COL1A2: variants seen among roughly 807,000 people sequenced by gnomAD.
COL1A2 encodes collagen alpha-2(I) chain.
A neutral mutation model predicts 174.3 loss-of-function variants in COL1A2; 49 were observed. That is an observed-to-expected ratio of 0.28 (90% CI 0.22 to 0.36). The LOEUF is 0.36. Ranked by LOEUF, COL1A2 falls within the 10% of genes least tolerant of loss-of-function variation. The probability of loss-of-function intolerance (pLI) is 1.00; values close to 1 mark genes in which losing one functional copy is unlikely to be tolerated. For synonymous variants in COL1A2, 655 were observed against 606.6 expected (o/e 1.08, Z -1.17); for missense variants, 1,438 against 1,822.7 (o/e 0.79, Z 3.84).
In COL1A2 at chr7:94,426,425, C is replaced by T. The variant is rs1554398439; in HGVS notation, c.3000C>T (p.Gly1000=). ...TCCATCCTTCTGTTTCTTTATAGGG[C>T]CCACAAGGCATTCGTGGCGATAAGG... ...AGAVGPRGPS[G]PQGIRGDKGE... is the part of the protein sequence containing the mutation. The change falls in exon 46 of 52, where the codon GGC becomes GGT. Residue 1000 remains glycine, a splice_region_variant and synonymous_variant. Transcript: ENST00000297268. 3 of 1,591,450 alleles carry T rather than the reference C, an allele frequency of 1.9e-6. No homozygotes were observed. The highest frequency in any genetic ancestry group is 1.2e-5 in the South Asian group (1 of 86,926).
chr7:94,422,023 T>C, intron 39 of COL1A2, 71 bp downstream of exon 39: 17 of 1,320,284 alleles, frequency 1.3e-5, no homozygotes, highest in Non-Finnish European at 1.7e-5. Context: ...AGGAAACTGG[T>C]AAGAAACTCT....
At chr7:94,407,201 T>C (rs946000599) in intron 12 of COL1A2, among the ~76,000 whole-genome samples, 24 of 152,214 alleles carry the variant, frequency 1.6e-4, no homozygotes, top group African/African-American at 5.3e-4. Context: ...GCCACTTCAA[T>C]GCTTATTCCC....
chr7:94,409,315 CT>C lies in COL1A2; in HGVS notation c.793-3del. On this transcript the variant is annotated splice_polypyrimidine_tract_variant and splice_region_variant and intron_variant, in intron 16 of 51. Transcript: ENST00000297268. The stretch of plus-strand genomic sequence containing the variant: ...GGTTAATTCCTTGGTTTAATTTCCT[CT>C]TTTAGGGTGAAATTGGAGCTGTTGG... 6.2e-7 allele frequency: 1 copy of C among 1,613,590 alleles called. No individual in the cohort carries two copies. The highest frequency in any genetic ancestry group is 8.5e-7 in the Non-Finnish European group (1 of 1,179,580).
At position 94,395,122 on chromosome 7, in the gene COL1A2, TG is replaced by T. The variant is rs773394670; in HGVS notation, c.70+26del. The T allele has an allele frequency of 1.0e-5, 16 of 1,607,462 alleles. 1 individual carries two copies. Among genetic ancestry groups the T allele is most frequent in the Admixed American group, 8.3e-5 (5 of 60,000 alleles). On this transcript the variant is annotated intron_variant, in intron 1 of 51. Transcript: ENST00000297268. ...CCAATGTAAGTGCCTTCAGCTTGTT[TG>T]GGGGAGACTGGGTAGAGAGGTTAGA...
chr7:94,422,155 C>A, intron 39 of COL1A2: 1 of 473,580 alleles, frequency 2.1e-6, no homozygotes, highest in Non-Finnish European at 3.8e-6. Context: ...GGCTTTTATT[C>A]ATGTGAACAC....
Position 94,430,462 on chromosome 7 carries a change from CTT to C in COL1A2, c.*74_*75del. 1 of 1,492,320 alleles carries C rather than the reference CTT, an allele frequency of 6.7e-7. No individual in the cohort carries two copies. Among genetic ancestry groups the C allele is most frequent in the Non-Finnish European group, 9.2e-7 (1 of 1,081,210 alleles). 92.4% of individuals were successfully genotyped at this position (1,492,320 alleles called of 1,614,324 possible). On this transcript the variant is annotated 3_prime_UTR_variant, in exon 52 of 52. Transcript: ENST00000297268. ...TTTCTCTTTGCCATTTCTTCTTCTT[CTT>C]TTTTAACTGAAAGCTGAATCCTTCC... is the stretch of plus-strand genomic sequence containing the variant.
intron 1 of COL1A2, chr7:94,395,672 G>A (rs891449913): frequency 1.1e-5 from 2 of 187,992 alleles, no homozygotes; most frequent in East Asian, 1.4e-4. Flanking sequence ...AGGGCCTTAA[G>A]CAGATGGAAT....
chr7:94,396,313 C>CG (rs1791581977), intron 1 of COL1A2, among the ~76,000 whole-genome samples: 1 of 80,714 alleles, frequency 1.2e-5, no homozygotes, highest in East Asian at 5.9e-4. Flanking sequence ...CATTTGTGTG[C>CG]TTGTGTGTGT....
chr7:94,412,643 G>T lies in COL1A2; in HGVS notation c.1464G>T (p.Glu488Asp), dbSNP rs148802548. 28 of 1,613,984 alleles carry T rather than the reference G, an allele frequency of 1.7e-5. No individual in the cohort carries two copies. The African/African-American group carries it at 3.6e-4, about 21-fold the overall frequency. Reference protein sequence around the residue: ...GPIGPAGARGEPGNIGFPGPK... With the variant: ...GPIGPAGARGDPGNIGFPGPK... ...TTGGCCCAGCTGGAGCAAGAGGAGA[G>T]CCTGGCAACATTGGATTCCCTGGAC... Residue 488 changes from glutamate (E) to aspartate (D), a missense_variant, in exon 25 of 52, where the codon GAG becomes GAT. Glu to Asp is a conservative substitution (Grantham distance 45, BLOSUM62 2). Around this residue, in one of 3 missense-constraint regions of COL1A2, gnomAD observed 867 missense variants for 1,213.7 expected, o/e 0.71. Transcript: ENST00000297268.
intron 6 of COL1A2, among the ~76,000 whole-genome samples, chr7:94,401,841 C>T (rs1791696712): frequency 2.0e-5 from 3 of 151,894 alleles, no homozygotes; most frequent in Admixed American, 2.0e-4. Context: ...ATTATATGAT[C>T]TTTTTGATTA....
Position 94,424,317 on chromosome 7 carries a change from G to A in COL1A2, c.2566-19G>A, listed in dbSNP as rs754764745. 1.6e-5 allele frequency: 25 copies of A among 1,603,866 alleles called. No homozygotes were observed. Among genetic ancestry groups the A allele is most frequent in the Non-Finnish European group, 2.1e-5 (25 of 1,170,986 alleles). On this transcript the variant is annotated intron_variant, in intron 40 of 51. Coordinates refer to ENST00000297268, the MANE Select transcript of COL1A2 (RefSeq NM_000089.4). Reference sequence around the variant, plus strand: ...CCTAGGGTCTTACCCATAATACTCAGTATTTTTTCTCTATTTAGGGACCTC... The same window carrying A: ...CCTAGGGTCTTACCCATAATACTCAATATTTTTTCTCTATTTAGGGACCTC...
chr7:94,405,341 G>A (rs1791774034), intron 10 of COL1A2, 89 bp downstream of exon 10: 1 of 1,272,808 alleles, frequency 7.9e-7, no homozygotes, highest in Non-Finnish European at 1.1e-6. Flanking sequence ...TGACAACATA[G>A]ATGTCACCCA....
intron 17 of COL1A2, 55 bp downstream of exon 17, chr7:94,409,475 A>T: frequency 6.2e-7 from 1 of 1,610,262 alleles, no homozygotes; most frequent in Non-Finnish European, 8.5e-7. Context: ...AAGGTGGAGT[A>T]TGGGGAAGAA....
rs547568259 is a variant in COL1A2 at position 94,406,377 on chromosome 7, A to G, written c.594+74A>G. 7.4e-6 allele frequency: 10 copies of G among 1,351,254 alleles called. No homozygotes were observed. In the South Asian group the frequency reaches 9.4e-5, roughly 13 times the overall value. The allele number at this position is 1,351,254 out of a possible 1,614,324, so 83.7% of individuals were successfully genotyped here. A position where few individuals can be genotyped will look rare whatever the true frequency, so the allele number is the denominator to read the frequency against. Reference sequence around the variant, plus strand: ...CCCATGACCTCCAAAAAAGTATATTATACTGAAGACTACCCATATTACAAA... The same window carrying G: ...CCCATGACCTCCAAAAAAGTATATTGTACTGAAGACTACCCATATTACAAA... On this transcript the variant is annotated intron_variant, in intron 12 of 51. Coordinates refer to ENST00000297268, the MANE Select transcript of COL1A2 (RefSeq NM_000089.4).
At position 94,418,481 on chromosome 7, in the gene COL1A2, C is replaced by T; in HGVS notation, c.1972-18C>T. On this transcript the variant is annotated intron_variant, in intron 32 of 51. Coordinates refer to ENST00000297268, the MANE Select transcript of COL1A2 (RefSeq NM_000089.4). ...TTTGGTCAGAAAACAAAAAGTTGCT[C>T]TTGCTTTATACTTTCAGGGTGAACC... 6.2e-7 allele frequency: 1 copy of T among 1,613,176 alleles called. No individual in the cohort carries two copies. The highest frequency in any genetic ancestry group is 8.5e-7 in the Non-Finnish European group (1 of 1,179,404).
chr7:94,417,937 T>C, intron 32 of COL1A2, 106 bp downstream of exon 32: 1 of 881,522 alleles, frequency 1.1e-6, no homozygotes, highest in Non-Finnish European at 1.8e-6. Context: ...GGTAGCATTT[T>C]CATATCTATC....
chr7:94,407,979 C>G (rs1168588544), intron 13 of COL1A2, 88 bp downstream of exon 13: 2 of 1,293,140 alleles, frequency 1.5e-6, no homozygotes, highest in African/African-American at 1.5e-5. Flanking sequence ...ATCACTGTAT[C>G]CTTCAGCATT....
chr7:94,419,484 CT>C lies in COL1A2; in HGVS notation c.2026-9del. 5 of 1,613,892 alleles carry C rather than the reference CT, an allele frequency of 3.1e-6. No individual in the cohort carries two copies. Among genetic ancestry groups the C allele is most frequent in the Non-Finnish European group, 4.2e-6 (5 of 1,179,918 alleles). ...GGGTGTTATTAATAAGACATGTTTC[CT>C]TTTTGGTACTAGGGTGCTCCTGGTG... is the stretch of plus-strand genomic sequence containing the variant. On this transcript the variant is annotated splice_polypyrimidine_tract_variant and intron_variant, in intron 33 of 51. Transcript: ENST00000297268.
At chr7:94,420,871 A>G in intron 37 of COL1A2, 138 bp from the exon 38 acceptor site, 1 of 960,102 alleles carries the variant, frequency 1.0e-6, no homozygotes, top group Non-Finnish European at 1.7e-6. Context: ...GTAATATTGA[A>G]GAACATTCTG....
Sources: gnomAD v4.1 joint callset for allele counts (sites outside exome capture counted in the v4.1 genomes callset) on GRCh38, gnomAD v4.1.1 for gene constraint, gnomAD v4.1.1 regional missense constraint, MANE v1.5 for transcripts, NCBI Gene and HGNC (gene_info 2026-07-23, HGNC 2026-07-21) for gene names.